The following SSBP2 variants were observed in gnomAD, a reference collection of about 807,000 sequenced individuals.
The protein encoded by SSBP2 is single stranded DNA binding protein 2, also known as single-stranded DNA-binding protein 2.
A neutral mutation model predicts 61.8 loss-of-function variants in SSBP2; 17 were observed. The observed-to-expected ratio is 0.28, with a 90% CI of 0.19 to 0.41. SSBP2 has a LOEUF of 0.41. SSBP2 is among the 10% of genes least tolerant of loss of function. The pLI, the probability that SSBP2 is intolerant of heterozygous loss-of-function variation, is 1.00. For missense variants in SSBP2, 310 were observed against 458.7 expected (o/e 0.68, Z 2.96); for synonymous variants, 139 against 141.3 (o/e 0.98, Z 0.12).
intron 4 of SSBP2, among the ~76,000 whole-genome samples, chr5:81,518,590 C>T (rs1769219323): frequency 6.6e-6 from 1 of 152,078 alleles, no homozygotes; most frequent in African/African-American, 2.4e-5. Context: ...TTATAAACTA[C>T]CCAGTCTCGG....
At chr5:81,747,466 A>C (rs937085974) in intron 1 of SSBP2, among the ~76,000 whole-genome samples, 3 of 152,154 alleles carry the variant, frequency 2.0e-5, no homozygotes, top group African/African-American at 7.2e-5. Flanking sequence ...ATATACATAA[A>C]ACACTGAACA....
At chr5:81,527,946 A>G (rs544437625) in intron 4 of SSBP2, among the ~76,000 whole-genome samples, 1 of 151,656 alleles carries the variant, frequency 6.6e-6, no homozygotes, top group Admixed American at 6.6e-5. Flanking sequence ...CCTCTTTTAT[A>G]TATTTTTTCT....
rs1411941625 is a variant in SSBP2 at position 81,418,129 on chromosome 5, G to A, written c.*2375C>T. 6.6e-6 allele frequency: 1 copy of A among 152,174 alleles called. No individual in the cohort carries two copies. The highest frequency in any genetic ancestry group is 1.5e-5 in the Non-Finnish European group (1 of 68,030). The allele number at this position is 152,174 out of a possible 1,614,324, so 9.4% of individuals were successfully genotyped here. On this transcript the variant is annotated 3_prime_UTR_variant, in exon 17 of 17. Coordinates refer to ENST00000320672, the MANE Select transcript of SSBP2 (RefSeq NM_012446.5). ...ATAAGATTAAGCTTAATAATCAAAG[G>A]ACTGTCAATTTTTATATGATTGTCA...
chr5:81,604,137 C>G (rs898108288), intron 4 of SSBP2, among the ~76,000 whole-genome samples: 1 of 151,920 alleles, frequency 6.6e-6, no homozygotes, highest in Non-Finnish European at 1.5e-5. Flanking sequence ...ATTTACTATG[C>G]ATTAAGGGGA....
chr5:81,626,798 T>C (rs1747207947), intron 3 of SSBP2, among the ~76,000 whole-genome samples: 1 of 152,148 alleles, frequency 6.6e-6, no homozygotes, highest in African/African-American at 2.4e-5. Context: ...AATTAGCCAC[T>C]CACAATGCTC....
At chr5:81,592,294 C>G in intron 4 of SSBP2, among the ~76,000 whole-genome samples, 1 of 152,246 alleles carries the variant, frequency 6.6e-6, no homozygotes, top group Non-Finnish European at 1.5e-5. Context: ...GGGAGGGGCG[C>G]CTGCCATTGC....
chr5:81,658,668 C>T (rs764345842), intron 1 of SSBP2, among the ~76,000 whole-genome samples: 4 of 152,134 alleles, frequency 2.6e-5, no homozygotes, highest in Non-Finnish European at 4.4e-5. Context: ...TATTTGTCTT[C>T]CTCTGCCTCA....
chr5:81,544,291 C>A (rs1026454394), intron 4 of SSBP2, among the ~76,000 whole-genome samples: 4 of 151,840 alleles, frequency 2.6e-5, no homozygotes, highest in African/African-American at 9.7e-5. Flanking sequence ...TCGTGATCCG[C>A]CCCCCTCAGC....
At chr5:81,568,704 C>T (rs543063539) in intron 4 of SSBP2, among the ~76,000 whole-genome samples, 1 of 152,164 alleles carries the variant, frequency 6.6e-6, no homozygotes, top group African/African-American at 2.4e-5. Flanking sequence ...GAGCCATTCA[C>T]ATATGTATAT....
intron 6 of SSBP2, among the ~76,000 whole-genome samples, chr5:81,481,620 A>T (rs1189769826): frequency 2.6e-5 from 2 of 78,196 alleles, no homozygotes; most frequent in South Asian, 6.2e-4. Flanking sequence ...AACTACATCT[A>T]AAAAAAAAAA....
chr5:81,684,799 T>C (rs894791212), intron 1 of SSBP2, among the ~76,000 whole-genome samples: 7 of 152,176 alleles, frequency 4.6e-5, no homozygotes, highest in African/African-American at 1.4e-4. Context: ...TGTGGACTTT[T>C]GAGTTAATGC....
chr5:81,716,195 G>A (rs1051992495), intron 1 of SSBP2, among the ~76,000 whole-genome samples: 2 of 151,866 alleles, frequency 1.3e-5, no homozygotes, highest in Non-Finnish European at 2.9e-5. Context: ...TTGGATTTAT[G>A]ACAATAAACA....
At chr5:81,743,535 CAGGG>C (rs1757167299) in intron 1 of SSBP2, among the ~76,000 whole-genome samples, 1 of 152,168 alleles carries the variant, frequency 6.6e-6, no homozygotes, top group South Asian at 2.1e-4. Flanking sequence ...CTCATGAAAG[CAGGG>C]ACTCATTTTA....
In SSBP2 at chr5:81,723,129, C is replaced by A. The variant is rs114283541; in HGVS notation, c.62+27852G>T. Among the ~76,000 whole-genome samples the A allele has an allele frequency of 3.0e-3, 454 of 152,004 alleles. 2 individuals are homozygous for A. The highest frequency in any genetic ancestry group is 0.01 in the African/African-American group (430 of 41,508). ...AGACAAATCTCTTTTAATGCTTATC[C>A]ATTTAGGAATAAAAGGACTACGTTG... is the stretch of plus-strand genomic sequence containing the variant. On this transcript the variant is annotated intron_variant, in intron 1 of 16. Coordinates refer to ENST00000320672, the MANE Select transcript of SSBP2 (RefSeq NM_012446.5).
intron 4 of SSBP2, among the ~76,000 whole-genome samples, chr5:81,570,006 A>G (rs2153441828): frequency 6.6e-6 from 1 of 152,292 alleles, no homozygotes; most frequent in East Asian, 1.9e-4. Flanking sequence ...AAATATTTAG[A>G]ACTCTGATTT....
intron 4 of SSBP2, among the ~76,000 whole-genome samples, chr5:81,526,184 T>C (rs1020838736): frequency 6.6e-6 from 1 of 152,056 alleles, no homozygotes; most frequent in African/African-American, 2.4e-5. Flanking sequence ...TTACAGAAAT[T>C]AAACTCATAA....
rs541507361 is a variant in SSBP2 at position 81,483,820 on chromosome 5, G to C, written c.432+5430C>G. ...TTCTTTTTTCTATATTTCAACAACT[G>C]CAACTGTGCTGTTCAAATTAAAAGC... On this transcript the variant is annotated intron_variant, in intron 6 of 16. Transcript: ENST00000320672. Among the ~76,000 whole-genome samples the C allele has an allele frequency of 8.6e-5, 13 of 151,806 alleles. 1 individual carries two copies. In the South Asian group the frequency reaches 2.7e-3, roughly 32 times the overall value.
rs1443847325 is a variant in SSBP2 at position 81,528,537 on chromosome 5, T to C, written c.283-14820A>G. ...AGTATCATTTCATCCGAATAGTAAT[T>C]TGACTACTGTAACATGCCCACATAA... On this transcript the variant is annotated intron_variant, in intron 4 of 16. Transcript: ENST00000320672. 5.9e-5 allele frequency among the ~76,000 whole-genome samples: 9 copies of C among 152,170 alleles called. No homozygotes were observed. The East Asian group carries it at 1.4e-3, about 23-fold the overall frequency.
intron 1 of SSBP2, among the ~76,000 whole-genome samples, chr5:81,682,540 A>G (rs1752475011): frequency 1.3e-5 from 2 of 152,188 alleles, no homozygotes; most frequent in Non-Finnish European, 2.9e-5. Context: ...CTTGATGAAG[A>G]ACATCTAATA....
Sources: gnomAD v4.1 joint callset for allele counts (sites outside exome capture counted in the v4.1 genomes callset) on GRCh38, gnomAD v4.1.1 for gene constraint, MANE v1.5 for transcripts, NCBI Gene and HGNC (gene_info 2026-07-23, HGNC 2026-07-21) for gene names.